UNC13C: variants seen among roughly 807,000 people sequenced by gnomAD.
UNC13C encodes the protein protein unc-13 homolog C.
In UNC13C, 174 loss-of-function variants were observed where a neutral mutation model predicts 245.4. The ratio of observed to expected loss-of-function variants is 0.71; its 90% CI spans 0.63 to 0.80. The LOEUF (loss-of-function observed/expected upper bound fraction) is 0.80, where lower values mean the gene tolerates loss of function less well. UNC13C is among the 30% of genes least tolerant of loss of function. The probability of loss-of-function intolerance (pLI) is 0.00; values close to 1 mark genes in which losing one functional copy is unlikely to be tolerated. For synonymous variants in UNC13C, 992 were observed against 895.1 expected (o/e 1.11, Z -1.93); for missense variants, 2,829 against 2,602.9 (o/e 1.09, Z -1.89).
intron 4 of UNC13C, among the ~76,000 whole-genome samples, chr15:54,223,943 C>G (rs1322685545): frequency 6.6e-6 from 1 of 151,906 alleles, no homozygotes; most frequent in Non-Finnish European, 1.5e-5. Context: ...ATATTGTTTG[C>G]TGATGGCATA....
chr15:54,589,289 C>CTTCTTTT (rs1898651054), intron 30 of UNC13C, among the ~76,000 whole-genome samples: 4 of 53,496 alleles, frequency 7.5e-5, no homozygotes, highest in African/African-American at 2.7e-4. Flanking sequence ...TCTTCTTCTT[C>CTTCTTTT]TTTTTTTTTT....
At chr15:54,514,146 C>T (rs1206540855) in intron 24 of UNC13C, among the ~76,000 whole-genome samples, 1 of 152,098 alleles carries the variant, frequency 6.6e-6, no homozygotes, top group Non-Finnish European at 1.5e-5. Context: ...ATAAACATGG[C>T]AGTATCTAAA....
the UNC13C span, among the ~76,000 whole-genome samples, chr15:53,943,937 C>T: frequency 6.6e-6 from 1 of 151,904 alleles, no homozygotes; most frequent in Non-Finnish European, 1.5e-5. Context: ...ATAGTCACTC[C>T]TGCTTTCTTT....
upstream of UNC13C, among the ~76,000 whole-genome samples, chr15:53,976,536 A>G (rs542213768): frequency 8.3e-6 from 1 of 120,040 alleles, no homozygotes; most frequent in East Asian, 2.6e-4. Context: ...CAATGGCGCG[A>G]TCTTGGCTCA....
At chr15:54,538,480 C>T (rs542565097) in intron 26 of UNC13C, among the ~76,000 whole-genome samples, 97 of 152,192 alleles carry the variant, frequency 6.4e-4, no homozygotes, top group Admixed American at 9.8e-4. Context: ...TTCAACCCAG[C>T]AATTCCATTA....
intron 4 of UNC13C, among the ~76,000 whole-genome samples, chr15:54,195,093 CCCA>C (rs1206257809): frequency 2.0e-5 from 2 of 100,812 alleles, no homozygotes; most frequent in Admixed American, 9.5e-5. Flanking sequence ...TTGGTTCTTC[CCCA>C]TGATCTCTGA....
intron 17 of UNC13C, among the ~76,000 whole-genome samples, chr15:54,345,079 C>A (rs2038830209): frequency 1.3e-5 from 2 of 152,188 alleles, no homozygotes; most frequent in African/African-American, 4.8e-5. Flanking sequence ...ACGCTTCTCA[C>A]CCCTCTTACT....
At position 54,216,269 on chromosome 15, in the gene UNC13C, C is replaced by T. The variant is rs545463657; in HGVS notation, c.3072-18761C>T. Among the ~76,000 whole-genome samples, 25 of 152,052 alleles carry T rather than the reference C, an allele frequency of 1.6e-4. No individual in the cohort carries two copies. The South Asian group carries it at 5.2e-3, about 32-fold the overall frequency. The stretch of plus-strand genomic sequence containing the variant: ...TATTTTCTTCGCAGCTCATTTTCCA[C>T]ATCCTTAAAATACAAAAATATTGGA... On this transcript the variant is annotated intron_variant, in intron 4 of 32. Coordinates refer to ENST00000260323, the MANE Select transcript of UNC13C (RefSeq NM_001080534.3).
At chr15:54,046,432 T>G (rs1226410977) in intron 2 of UNC13C, among the ~76,000 whole-genome samples, 1 of 152,172 alleles carries the variant, frequency 6.6e-6, no homozygotes, top group African/African-American at 2.4e-5. Flanking sequence ...TGCCACTCAA[T>G]TGACATATTT....
At chr15:54,359,695 A>T (rs1393413014) in intron 17 of UNC13C, among the ~76,000 whole-genome samples, 1 of 151,836 alleles carries the variant, frequency 6.6e-6, no homozygotes, top group Non-Finnish European at 1.5e-5. Flanking sequence ...ATCTGTTATG[A>T]TGTCTCCTTT....
intron 19 of UNC13C, among the ~76,000 whole-genome samples, chr15:54,480,001 T>C (rs954819874): frequency 2.0e-5 from 3 of 152,276 alleles, no homozygotes; most frequent in South Asian, 2.1e-4. Flanking sequence ...TTCATCCTAT[T>C]CTCTCCTGGC....
At chr15:54,406,259 C>A (rs1041555515) in intron 18 of UNC13C, among the ~76,000 whole-genome samples, 3 of 152,166 alleles carry the variant, frequency 2.0e-5, no homozygotes, top group African/African-American at 7.2e-5. Context: ...GGAAAAGCAG[C>A]AAGGCCTGCT....
the UNC13C span, among the ~76,000 whole-genome samples, chr15:53,841,660 G>A: frequency 1.3e-5 from 2 of 152,136 alleles, no homozygotes; most frequent in Non-Finnish European, 2.9e-5. Flanking sequence ...GAAAGTTTAT[G>A]ATTCTTGTTA....
intron 4 of UNC13C, among the ~76,000 whole-genome samples, 183 bp from the exon 5 acceptor site, chr15:54,234,847 A>G (rs1016190931): frequency 6.6e-6 from 1 of 152,230 alleles, no homozygotes; most frequent in African/African-American, 2.4e-5. Context: ...TGTGGTAGCT[A>G]CAGTCTTTTT....
At chr15:54,137,094 TG>T (rs1296108386) in intron 2 of UNC13C, among the ~76,000 whole-genome samples, 1 of 152,212 alleles carries the variant, frequency 6.6e-6, no homozygotes, top group East Asian at 1.9e-4. Flanking sequence ...TCTGCCCACT[TG>T]GGCCTGCCAA....
chr15:53,981,463 A>G (rs181247267), intron 1 of UNC13C, among the ~76,000 whole-genome samples: 51 of 152,284 alleles, frequency 3.3e-4, no homozygotes, highest in Admixed American at 9.8e-4. Flanking sequence ...CATAGTTTGT[A>G]CCTAATATCA....
intron 12 of UNC13C, among the ~76,000 whole-genome samples, chr15:54,298,320 C>A (rs553902377): frequency 1.3e-5 from 2 of 152,064 alleles, no homozygotes; most frequent in African/African-American, 2.4e-5. Context: ...AGGATCAAAT[C>A]GTAATTGTGT....
chr15:54,019,104 T>C (rs954977804), intron 2 of UNC13C, among the ~76,000 whole-genome samples: 1 of 152,242 alleles, frequency 6.6e-6, no homozygotes, highest in Non-Finnish European at 1.5e-5. Context: ...TTACTTCTTA[T>C]AACACCACTA....
chr15:54,239,555 A>T (rs1443856704), intron 7 of UNC13C, among the ~76,000 whole-genome samples: 2 of 152,066 alleles, frequency 1.3e-5, no homozygotes, highest in Non-Finnish European at 2.9e-5. Context: ...AGCTCACATG[A>T]TCCTCTGGCC....
Sources: allele counts gnomAD v4.1 joint callset (sites outside exome capture counted in the v4.1 genomes callset), GRCh38; gene constraint gnomAD v4.1.1; transcripts MANE v1.5; gene names NCBI Gene and HGNC (gene_info 2026-07-23, HGNC 2026-07-21).